The following C1R variants were observed in gnomAD, a reference collection of about 807,000 sequenced individuals.
C1R encodes complement C1r.
In C1R, 15 loss-of-function variants were observed where a neutral mutation model predicts 27.6. The ratio of observed to expected loss-of-function variants is 0.54; its 90% CI spans 0.36 to 0.84. The LOEUF (loss-of-function observed/expected upper bound fraction) is 0.84, where lower values mean the gene tolerates loss of function less well. Ranked by LOEUF, C1R falls within the 40% of genes least tolerant of loss-of-function variation. The probability of loss-of-function intolerance (pLI) is 0.01; values close to 1 mark genes in which losing one functional copy is unlikely to be tolerated. For missense variants in C1R, 544 were observed against 577.9 expected (o/e 0.94, Z 0.60); for synonymous variants, 253 against 228.8 (o/e 1.11, Z -0.95).
intron 7 of C1R, 102 bp from the exon 8 acceptor site, chr12:7,086,559 TTGGCTCCCCCATGGATG>T (rs1171467245): frequency 0.051 from 19,383 of 383,792 alleles, 750 homozygotes; most frequent in African/African-American, 0.13. Context: ...AAGACATCTC[TTGGCTCCCCCATGGATG>T]TGGCTCCCCC....
Position 7,091,434 on chromosome 12 carries a change from C to G in C1R, c.231+18G>C, listed in dbSNP as rs770884552. 2.7e-6 allele frequency: 2 copies of G among 738,514 alleles called. No homozygotes were observed. Among genetic ancestry groups the G allele is most frequent in the Non-Finnish European group, 5.0e-6 (2 of 396,316 alleles). 45.7% of individuals were successfully genotyped at this position (738,514 alleles called of 1,614,324 possible). ...GGCCCAGTTTTGTCTCCCCTCTGCC[C>G]GCCCATCCTGCCCCTACCTTGACAT... is the stretch of plus-strand genomic sequence containing the variant. On this transcript the variant is annotated intron_variant, in intron 2 of 10. Transcript: ENST00000647956. This position sits in a 1 kb window ranked among gnomAD's most constrained non-coding sequence, Gnocchi z 5.1.
intron 3 of C1R, 133 bp from the exon 4 acceptor site, chr12:7,089,866 C>G (rs1938233345): frequency 2.8e-6 from 2 of 711,840 alleles, no homozygotes; most frequent in African/African-American, 1.7e-5. Flanking sequence ...CCAGGCCTCT[C>G]CAATGCTCTC....
chr12:7,080,583 T>G lies in C1R; in HGVS notation c.2067A>C (p.Lys689Asn). The G allele has an allele frequency of 1.2e-6, 2 of 1,606,594 alleles. No homozygotes were observed. Among genetic ancestry groups the G allele is most frequent in the Non-Finnish European group, 1.7e-6 (2 of 1,175,150 alleles). Residue 689 changes from lysine (K) to asparagine (N), a missense_variant, in exon 11 of 11, where the codon AAA (lysine) becomes AAC (asparagine). This residue lies in a region of C1R where 253 missense variants were observed against 368.9 expected (regional missense o/e 0.69). Transcript: ENST00000647956. This position sits in a 1 kb window ranked among gnomAD's most constrained non-coding sequence, Gnocchi z 4.9. Reference protein sequence around the residue: ...GCSRGYGFYTKVLNYVDWIKK... With the variant: ...GCSRGYGFYTNVLNYVDWIKK... ...TGATCCAGTCCACGTAGTTGAGCAC[T>G]TTGGTGTAGAAGCCATAGCCCCTGC... is the stretch of plus-strand genomic sequence containing the variant.
Position 7,091,647 on chromosome 12 carries a change from G to A in C1R, c.36C>T (p.Phe12=). Residue 12 remains phenylalanine (F), a synonymous_variant, in exon 2 of 11, where the codon TTC becomes TTT. Coordinates refer to ENST00000647956, the MANE Select transcript of C1R (RefSeq NM_001733.7). The surrounding 1 kb of genome is among the most constrained non-coding windows in gnomAD (Gnocchi z 5.1). The part of the protein sequence containing the change: ...WLLYLLVPAL[F]CRAGGSIPIP... ...TGGGAATGGAGCCTCCTGCCCTGCA[G>A]AACAGGGCCGGCACCAGGAGGTACA... is the stretch of plus-strand genomic sequence containing the variant. 1 of 751,914 alleles carries A rather than the reference G, an allele frequency of 1.3e-6. No homozygotes were observed. The allele number at this position is 751,914 out of a possible 1,614,324, so 46.6% of individuals were successfully genotyped here.
Position 7,080,974 on chromosome 12 carries a change from G to T in C1R, c.1676C>A (p.Ala559Asp). Residue 559 changes from alanine to aspartate, a missense_variant, in exon 11 of 11, where the codon GCC (alanine) becomes GAC (aspartate). Ala to Asp is a moderately radical substitution (Grantham distance 126). This residue lies in a region of C1R where 253 missense variants were observed against 368.9 expected (regional missense o/e 0.69). Transcript: ENST00000647956. The surrounding 1 kb of genome is among the most constrained non-coding windows in gnomAD (Gnocchi z 4.9). Reference protein sequence around the residue: ...DESYNFEGDIALLELENSVTL... With the variant: ...DESYNFEGDIDLLELENSVTL... ...GACACTATTTTCCAGCTCCAGCAGG[G>T]CGATGTCCCCCTCAAAATTGTAGGA... 1 of 1,613,854 alleles carries T rather than the reference G, an allele frequency of 6.2e-7. No homozygotes were observed. Among genetic ancestry groups the T allele is most frequent in the Non-Finnish European group, 8.5e-7 (1 of 1,179,742 alleles).
At chr12:7,086,959 G>T (rs1246548529) in intron 7 of C1R, 1 of 152,464 alleles carries the variant, frequency 6.6e-6, no homozygotes, top group Non-Finnish European at 1.5e-5. Flanking sequence ...GCTTTGAAAG[G>T]TGCTGGAGAC....
intron 3 of C1R, 141 bp downstream of exon 3, chr12:7,089,915 G>T (rs1452143513): frequency 7.1e-6 from 5 of 702,142 alleles, no homozygotes; most frequent in Middle Eastern, 3.0e-4. Flanking sequence ...AGGTTGACAG[G>T]CCTCGTTAGG....
Position 7,081,054 on chromosome 12 carries a change from T to C in C1R, c.1596A>G (p.Leu532=), listed in dbSNP as rs750441010. 1.7e-5 allele frequency: 28 copies of C among 1,613,920 alleles called. 1 individual carries two copies. The highest frequency in any genetic ancestry group is 2.3e-5 in the Non-Finnish European group (27 of 1,179,890). ...GHTNVEELMK[L]GNHPIRRVSV... is the part of the protein sequence containing the mutation. Reference sequence around the variant, plus strand: ...TGACCCTGCGGATGGGGTGATTTCCTAGCTTCATGAGCTCTTCCACATTTG... The same window carrying C: ...TGACCCTGCGGATGGGGTGATTTCCCAGCTTCATGAGCTCTTCCACATTTG... Residue 532 remains leucine (L), a synonymous_variant, in exon 11 of 11, where the codon CTA becomes CTG. Coordinates refer to ENST00000647956, the MANE Select transcript of C1R (RefSeq NM_001733.7).
intron 1 of C1R, 150 bp downstream of exon 1, chr12:7,092,237 G>C (rs781229828): frequency 2.8e-6 from 2 of 707,430 alleles, no homozygotes; most frequent in Non-Finnish European, 2.7e-6. Context: ...GGGATGGGGC[G>C]TGTGTTGTGT....
intron 4 of C1R, 47 bp from the exon 5 acceptor site, chr12:7,089,536 C>T (rs768951004): frequency 2.1e-5 from 16 of 780,130 alleles, no homozygotes; most frequent in Non-Finnish European, 3.6e-5. Flanking sequence ...CCAGCTGGCC[C>T]AGCAAGCCCT....
At position 7,080,651 on chromosome 12, in the gene C1R, G is replaced by A. The variant is rs763888790; in HGVS notation, c.1999C>T (p.Arg667Cys). 10 of 1,613,844 alleles carry A rather than the reference G, an allele frequency of 6.2e-6. No individual in the cohort carries two copies. Among genetic ancestry groups the A allele is most frequent in the African/African-American group, 1.3e-5 (1 of 74,968 alleles). ...VFAVRDPNTD[R>C]WVATGIVSWG... is the part of the protein sequence containing the mutation. ...GACACGATGCCCGTGGCCACCCAGC[G>A]ATCAGTGTTCGGGTCCCTTACTGCA... Residue 667 changes from arginine to cysteine, a missense_variant, in exon 11 of 11, where the codon CGC (arginine) becomes TGC (cysteine). By Grantham distance (180) the Arg-to-Cys change is radical. Transcript: ENST00000647956. The surrounding 1 kb of genome is among the most constrained non-coding windows in gnomAD (Gnocchi z 4.9).
In C1R at chr12:7,085,910, C is replaced by G; in HGVS notation, c.1224G>C (p.Glu408Asp). The G allele has an allele frequency of 2.5e-6, 1 of 398,636 alleles. No homozygotes were observed. The highest frequency in any genetic ancestry group is 4.4e-6 in the Non-Finnish European group (1 of 226,082). The allele number at this position is 398,636 out of a possible 1,614,324, so 24.7% of individuals were successfully genotyped here. A position where few individuals can be genotyped will look rare whatever the true frequency, so the allele number is the denominator to read the frequency against. Reference protein sequence around the residue: ...YKARIQYYCHEPYYKMQTRAG... With the variant: ...YKARIQYYCHDPYYKMQTRAG... ...CTCTGGTCTGCATCTTGTAATATGGCTCATGGCAGTAGTACTGGATACGGG... is the reference window on the plus strand; with the variant it reads ...CTCTGGTCTGCATCTTGTAATATGGGTCATGGCAGTAGTACTGGATACGGG... Residue 408 changes from glutamate (E) to aspartate (D), a missense_variant, in exon 9 of 11, where the codon GAG becomes GAC. Physicochemically the swap from Glu to Asp is conservative, Grantham distance 45. Coordinates refer to ENST00000647956, the MANE Select transcript of C1R (RefSeq NM_001733.7).
chr12:7,080,812 G>C lies in C1R; in HGVS notation c.1838C>G (p.Pro613Arg). 6.2e-7 allele frequency: 1 copy of C among 1,613,910 alleles called. No homozygotes were observed. Among genetic ancestry groups the C allele is most frequent in the Non-Finnish European group, 8.5e-7 (1 of 1,179,864 alleles). ...IAHDLRFVRL[P>R]VANPQACENW... ...CTCACAGGCCTGTGGATTAGCTACG[G>C]GCAGACGGACAAACCTGAGGTCATG... The change falls in exon 11 of 11, where the codon CCC (proline) becomes CGC (arginine). Residue 613 changes from proline to arginine, a missense_variant. Physicochemically the swap from Pro to Arg is moderately radical, Grantham distance 103. This residue lies in a region of C1R where 253 missense variants were observed against 368.9 expected (regional missense o/e 0.69). Transcript: ENST00000647956. The surrounding 1 kb of genome is among the most constrained non-coding windows in gnomAD (Gnocchi z 4.9).
rs1220922146 is a variant in C1R at position 7,081,228 on chromosome 12, G to T, written c.1422C>A (p.Asn474Lys). ...IIGGQKAKMG[N>K]FPWQVFTNIH... Reference sequence around the variant, plus strand: ...TGTTGGTGAACACCTGCCAGGGGAAGTTGCCCATCTTGGCTTTTTGCCCTC... The same window carrying T: ...TGTTGGTGAACACCTGCCAGGGGAATTTGCCCATCTTGGCTTTTTGCCCTC... The change falls in exon 11 of 11, where the codon AAC (asparagine) becomes AAA (lysine). Residue 474 changes from asparagine (N) to lysine (K), a missense_variant. Asn to Lys is a moderately conservative substitution (Grantham distance 94). Coordinates refer to ENST00000647956, the MANE Select transcript of C1R (RefSeq NM_001733.7). 6.2e-7 allele frequency: 1 copy of T among 1,613,294 alleles called. No individual in the cohort carries two copies. The highest frequency in any genetic ancestry group is 1.1e-5 in the South Asian group (1 of 90,960).
At position 7,091,879 on chromosome 12, in the gene C1R, T is replaced by C; in HGVS notation, c.3-199A>G. On this transcript the variant is annotated intron_variant, in intron 1 of 10. Transcript: ENST00000647956. This position sits in a 1 kb window ranked among gnomAD's most constrained non-coding sequence, Gnocchi z 5.1. The stretch of plus-strand genomic sequence containing the variant: ...GTGCAGCTGCTGCATCGGGTCACTC[T>C]CCAGGGCAGTGTCCAGTCCAGAGGC... 1 of 693,678 alleles carries C rather than the reference T, an allele frequency of 1.4e-6. No individual in the cohort carries two copies. Among genetic ancestry groups the C allele is most frequent in the Non-Finnish European group, 2.6e-6 (1 of 380,664 alleles). 43.0% of individuals were successfully genotyped at this position (693,678 alleles called of 1,614,324 possible). A position where few individuals can be genotyped will look rare whatever the true frequency, so the allele number is the denominator to read the frequency against.
Position 7,089,684 on chromosome 12 carries a change from C to T in C1R, c.474G>A (p.Gln158=). The T allele has an allele frequency of 1.3e-6, 1 of 780,908 alleles. No individual in the cohort carries two copies. Among genetic ancestry groups the T allele is most frequent in the Admixed American group, 1.7e-5 (1 of 59,038 alleles). The allele number at this position is 780,908 out of a possible 1,614,324, so 48.4% of individuals were successfully genotyped here. Residue 158 remains glutamine, a synonymous_variant, in exon 4 of 11, where the codon CAG becomes CAA. Coordinates refer to ENST00000647956, the MANE Select transcript of C1R (RefSeq NM_001733.7). ...SRSKSGEEDP[Q]PQCQHLCHNY... ...TGTGACACAGGTGCTGGCACTGGGG[C>T]TGGGGATCCTCCTCCCCTGATTTGC...
chr12:7,089,528 A>G, intron 4 of C1R, 39 bp from the exon 5 acceptor site: 1 of 779,988 alleles, frequency 1.3e-6, no homozygotes, highest in South Asian at 1.3e-5. Context: ...GGGGGACTCC[A>G]GCTGGCCCAG....
chr12:7,083,541 T>C (rs1006984059), intron 9 of C1R, among the ~76,000 whole-genome samples: 3 of 150,052 alleles, frequency 2.0e-5, no homozygotes, highest in Admixed American at 6.6e-5. Context: ...GTGGTGATCA[T>C]GGTAGTGGCG....
chr12:7,090,809 G>A (rs927256242), intron 2 of C1R, among the ~76,000 whole-genome samples: 7 of 152,072 alleles, frequency 4.6e-5, no homozygotes, highest in African/African-American at 1.4e-4. Context: ...GCCAGCAAAC[G>A]CCCTCCCCCA....
Sources: gnomAD v4.1 joint callset for allele counts (sites outside exome capture counted in the v4.1 genomes callset) on GRCh38, gnomAD v4.1.1 for gene constraint, gnomAD v4.1.1 regional missense constraint, Gnocchi (gnomAD v3.1) non-coding constraint, MANE v1.5 for transcripts, NCBI Gene and HGNC (gene_info 2026-07-23, HGNC 2026-07-21) for gene names.